MGAT5: variants seen among roughly 807,000 people sequenced by gnomAD.
MGAT5 encodes alpha-1,6-mannosylglycoprotein 6-beta-N-acetylglucosaminyltransferase.
MGAT5 carries 30 observed loss-of-function variants against 94.3 expected under a neutral mutation model. The ratio of observed to expected loss-of-function variants is 0.32; its 90% CI spans 0.24 to 0.43. The LOEUF is 0.43. Among genes scored for constraint, MGAT5 ranks in the 20% least tolerant of loss-of-function variants. The pLI is 1.00. For missense variants in MGAT5, 691 were observed against 905.5 expected, an observed-to-expected ratio of 0.76 and a Z score of 3.04; for synonymous variants, 310 against 322.9, an observed-to-expected ratio of 0.96 and a Z score of 0.43.
intron 1 of MGAT5, among the ~76,000 whole-genome samples, chr2:134,154,161 A>C (rs1393681054): frequency 6.6e-6 from 1 of 152,220 alleles, no homozygotes; most frequent in Non-Finnish European, 1.5e-5. Flanking sequence ...TTAAGGCAGC[A>C]GGTAATGAGG....
intron 10 of MGAT5, among the ~76,000 whole-genome samples, chr2:134,400,273 TGGTAACAAGA>T (rs1682962728): frequency 6.6e-6 from 1 of 152,154 alleles, no homozygotes. Context: ...CTCTTACAAG[TGGTAACAAGA>T]GACCTGAGGT....
chr2:134,147,616 G>GA, intron 1 of MGAT5, among the ~76,000 whole-genome samples: 1 of 148,156 alleles, frequency 6.7e-6, no homozygotes, highest in East Asian at 2.0e-4. Flanking sequence ...AAAAAGAAAA[G>GA]AAAAAAAAGG....
chr2:134,239,421 A>C (rs1224022022), intron 1 of MGAT5, among the ~76,000 whole-genome samples: 3 of 152,244 alleles, frequency 2.0e-5, no homozygotes, highest in Non-Finnish European at 4.4e-5. Context: ...GATTACTACT[A>C]GAATAGAACC....
intron 1 of MGAT5, among the ~76,000 whole-genome samples, chr2:134,194,576 G>C (rs1293629496): frequency 1.3e-5 from 2 of 152,076 alleles, no homozygotes; most frequent in Non-Finnish European, 2.9e-5. Flanking sequence ...CTAATCTTTT[G>C]CTCACACTCT....
intron 8 of MGAT5, among the ~76,000 whole-genome samples, chr2:134,349,494 T>C (rs1384954578): frequency 6.6e-6 from 1 of 152,196 alleles, no homozygotes; most frequent in Non-Finnish European, 1.5e-5. Context: ...GGGTACAGCA[T>C]TGAACATGGC....
At chr2:134,367,598 C>T (rs1050245016) in intron 10 of MGAT5, among the ~76,000 whole-genome samples, 3 of 152,234 alleles carry the variant, frequency 2.0e-5, no homozygotes, top group Admixed American at 6.5e-5. Context: ...AATTATGCCA[C>T]GTCCCAAGTA....
At chr2:134,251,207 A>G (rs1247017670), upstream of MGAT5, among the ~76,000 whole-genome samples, 2 of 152,138 alleles carry the variant, frequency 1.3e-5, no homozygotes, top group South Asian at 2.1e-4. Context: ...TCAAAAAAAA[A>G]AAAAGCCAAT....
intron 8 of MGAT5, 125 bp downstream of exon 8, chr2:134,345,189 G>A (rs968222852): frequency 2.1e-5 from 21 of 986,070 alleles, no homozygotes; most frequent in Non-Finnish European, 2.8e-5. Flanking sequence ...TTGCTCATTC[G>A]TAATTGAAAT....
intron 10 of MGAT5, among the ~76,000 whole-genome samples, chr2:134,391,395 A>G (rs113486840): frequency 1.6e-3 from 239 of 152,318 alleles, no homozygotes; most frequent in Middle Eastern, 6.8e-3. Context: ...CTGCTGTGAT[A>G]AAGTACCATA....
chr2:134,389,196 C>T (rs984682180), intron 10 of MGAT5, among the ~76,000 whole-genome samples: 6 of 152,174 alleles, frequency 3.9e-5, no homozygotes, highest in African/African-American at 1.2e-4. Flanking sequence ...TGCCTAGACC[C>T]ATTAGTTCAT....
intron 12 of MGAT5, among the ~76,000 whole-genome samples, chr2:134,421,653 G>A (rs1046234563): frequency 5.9e-5 from 9 of 152,062 alleles, no homozygotes; most frequent in East Asian, 1.9e-4. Flanking sequence ...TGAAAGTTTC[G>A]TGGGCAGTGG....
chr2:134,225,077 CAAAAAAAAAA>C (rs1167660901), intron 1 of MGAT5, among the ~76,000 whole-genome samples: 2 of 68,238 alleles, frequency 2.9e-5, no homozygotes, highest in Non-Finnish European at 5.5e-5. Context: ...CCCTGTCTCA[CAAAAAAAAAA>C]AAAAAAAAAA....
chr2:134,422,410 T>C (rs956874059), intron 12 of MGAT5, among the ~76,000 whole-genome samples: 1 of 152,178 alleles, frequency 6.6e-6, no homozygotes, highest in African/African-American at 2.4e-5. Context: ...TTAAAAGCCT[T>C]GATTTTTCTT....
In MGAT5 at chr2:134,254,676, A is replaced by G. The variant is rs763510053; in HGVS notation, c.241+32A>G. 2.0e-5 allele frequency: 32 copies of G among 1,611,910 alleles called. 3 individuals carry two copies. The South Asian group carries it at 3.5e-4, about 18-fold the overall frequency. ...ACTGTTTCTGGGACCTCTCCATTAAAGTGTGCCTTGGCCTTGAAATGGCCC... is the reference window on the plus strand; with the variant it reads ...ACTGTTTCTGGGACCTCTCCATTAAGGTGTGCCTTGGCCTTGAAATGGCCC... On this transcript the variant is annotated intron_variant, in intron 1 of 15. Coordinates refer to ENST00000281923, the MANE Select transcript of MGAT5 (RefSeq NM_002410.5).
chr2:134,399,270 T>G (rs1028521923), intron 10 of MGAT5, among the ~76,000 whole-genome samples: 5 of 152,210 alleles, frequency 3.3e-5, no homozygotes, highest in Admixed American at 3.3e-4. Flanking sequence ...CACTCCCCCC[T>G]GCTGTGGACT....
chr2:134,301,140 G>A (rs1206715154), intron 2 of MGAT5, among the ~76,000 whole-genome samples: 1 of 152,026 alleles, frequency 6.6e-6, no homozygotes, highest in Non-Finnish European at 1.5e-5. Flanking sequence ...TGCAGAGTCC[G>A]GCCTCTTTTT....
intron 1 of MGAT5, among the ~76,000 whole-genome samples, chr2:134,144,219 C>T (rs532973827): frequency 6.6e-6 from 1 of 152,262 alleles, no homozygotes; most frequent in East Asian, 1.9e-4. Flanking sequence ...GTTTAATTGG[C>T]TTACAGTTTC....
At chr2:134,241,169 C>T (rs1573593741) in intron 1 of MGAT5, among the ~76,000 whole-genome samples, 1 of 152,216 alleles carries the variant, frequency 6.6e-6, no homozygotes, top group Admixed American at 6.5e-5. Flanking sequence ...GCCCATATAA[C>T]CCGTGGGAGC....
chr2:134,334,624 A>C (rs549644859), intron 4 of MGAT5, among the ~76,000 whole-genome samples: 1 of 148,916 alleles, frequency 6.7e-6, no homozygotes, highest in Non-Finnish European at 1.5e-5. Flanking sequence ...GTCCATTAGC[A>C]CAAATCTAAT....
Sources: gnomAD v4.1 joint callset for allele counts (sites outside exome capture counted in the v4.1 genomes callset) on GRCh38, gnomAD v4.1.1 for gene constraint, MANE v1.5 for transcripts, NCBI Gene and HGNC (gene_info 2026-07-23, HGNC 2026-07-21) for gene names.